Variants in PRKN observed in about 807,000 individuals in gnomAD.
The protein encoded by PRKN is parkin RBR E3 ubiquitin protein ligase.
In PRKN, 56 loss-of-function variants were observed where a neutral mutation model predicts 59.5. That is an observed-to-expected ratio of 0.94 (90% CI 0.76 to 1.18). PRKN has a LOEUF of 1.18. Ranked by LOEUF, PRKN falls within the 50% of genes most tolerant of loss-of-function variation. PRKN has a pLI of 0.00. For synonymous variants in PRKN, 250 were observed against 222.1 expected (o/e 1.13, Z -1.12); for missense variants, 657 against 596.4 (o/e 1.10, Z -1.06).
chr6:162,444,382 T>C (rs1488985757), intron 1 of PRKN, among the ~76,000 whole-genome samples: 1 of 152,124 alleles, frequency 6.6e-6, no homozygotes, highest in Non-Finnish European at 1.5e-5. Flanking sequence ...TCTCACACTG[T>C]CGGCTGGTGA....
intron 9 of PRKN, among the ~76,000 whole-genome samples, chr6:161,411,901 C>T (rs1787564627): frequency 6.8e-6 from 1 of 146,946 alleles, no homozygotes; most frequent in Non-Finnish European, 1.5e-5. Context: ...ATTCATTCCT[C>T]CACTCACTCA....
rs1790140680 is a variant in PRKN, at chr6:161,460,215, G to A, written c.1084-73338C>T. Among the ~76,000 whole-genome samples the A allele has an allele frequency of 1.3e-5, 2 of 152,300 alleles. No homozygotes were observed. Among genetic ancestry groups the A allele is most frequent in the South Asian group, 2.1e-4 (1 of 4,828 alleles). ...AGGAATATAATCCGTGTTATTTTAG[G>A]ATGTCACAGAGGTTGCAACAAAAGA... On this transcript the variant is annotated intron_variant, in intron 9 of 11. Transcript: ENST00000366898. The surrounding 1 kb of genome is among the most constrained non-coding windows in gnomAD (Gnocchi z 5.0).
intron 2 of PRKN, among the ~76,000 whole-genome samples, chr6:162,346,016 G>A (rs1185556175): frequency 6.6e-6 from 1 of 152,086 alleles, no homozygotes; most frequent in Admixed American, 6.6e-5. Context: ...GCATGCTCTT[G>A]CCCTCTGCCA....
intron 1 of PRKN, among the ~76,000 whole-genome samples, chr6:162,445,804 T>C (rs1029843644): frequency 1.4e-5 from 2 of 147,594 alleles, no homozygotes; most frequent in Admixed American, 6.8e-5. Flanking sequence ...ATTCCCTATA[T>C]GGGTGTGCAG....
chr6:162,063,597 T>C (rs1027697182), intron 4 of PRKN, among the ~76,000 whole-genome samples: 2 of 138,944 alleles, frequency 1.4e-5, no homozygotes, highest in Admixed American at 1.5e-4. Context: ...CAGGCTGGAG[T>C]GCAGTGGTGC....
At chr6:161,914,056 T>C (rs1227034765) in intron 6 of PRKN, among the ~76,000 whole-genome samples, 1 of 152,228 alleles carries the variant, frequency 6.6e-6, no homozygotes, top group Non-Finnish European at 1.5e-5. Context: ...TATGGTATTT[T>C]GTTAAGGCAG....
At chr6:161,425,628 C>A (rs1788308564) in intron 9 of PRKN, among the ~76,000 whole-genome samples, 1 of 152,108 alleles carries the variant, frequency 6.6e-6, no homozygotes, top group Non-Finnish European at 1.5e-5. Flanking sequence ...GGCTACTCCC[C>A]AGTCAGACAT....
In PRKN at chr6:162,218,466, T is replaced by C. The variant is rs9456754; in HGVS notation, c.413-17214A>G. ...TCCTGCTGAGCATGGCAGCCGGGGC[T>C]GGAAACAGTGAGGCCTGTTCTGGAG... is the stretch of plus-strand genomic sequence containing the variant. On this transcript the variant is annotated intron_variant, in intron 3 of 11. Transcript: ENST00000366898. Among the ~76,000 whole-genome samples the C allele has an allele frequency of 5.4e-3, 815 of 152,268 alleles. 6 individuals carry two copies. Among genetic ancestry groups the C allele is most frequent in the Admixed American group, 8.2e-3 (126 of 15,284 alleles).
intron 4 of PRKN, among the ~76,000 whole-genome samples, chr6:162,174,831 C>A (rs1258150456): frequency 6.6e-6 from 1 of 152,156 alleles, no homozygotes; most frequent in Non-Finnish European, 1.5e-5. Flanking sequence ...TTGTGTCCCT[C>A]CTAGTTCAGA....
At chr6:161,392,153 G>A (rs1328657757) in intron 9 of PRKN, among the ~76,000 whole-genome samples, 1 of 151,836 alleles carries the variant, frequency 6.6e-6, no homozygotes, top group Non-Finnish European at 1.5e-5. Flanking sequence ...TGGCCAAGCT[G>A]GTCTCGAACC....
intron 6 of PRKN, among the ~76,000 whole-genome samples, chr6:161,913,071 G>A (rs1471018083): frequency 6.6e-6 from 1 of 151,604 alleles, no homozygotes; most frequent in Non-Finnish European, 1.5e-5. Flanking sequence ...CTCCCAGGGA[G>A]GCTGAGGCAG....
intron 9 of PRKN, among the ~76,000 whole-genome samples, chr6:161,515,725 C>G (rs1334324848): frequency 6.6e-6 from 1 of 152,230 alleles, no homozygotes; most frequent in Non-Finnish European, 1.5e-5. Flanking sequence ...TACTACAAAT[C>G]TGATGGCATC....
At chr6:161,718,668 C>G (rs1156885665) in intron 7 of PRKN, among the ~76,000 whole-genome samples, 4 of 152,074 alleles carry the variant, frequency 2.6e-5, no homozygotes, top group African/African-American at 9.7e-5. Context: ...GCCAGTAAGG[C>G]TGCACCCATA....
At chr6:161,900,395 G>C (rs1411296089) in intron 6 of PRKN, among the ~76,000 whole-genome samples, 2 of 147,442 alleles carry the variant, frequency 1.4e-5, no homozygotes, top group Middle Eastern at 3.5e-3. Context: ...CTGCCACTGA[G>C]TGTGGGATCA....
At chr6:162,688,118 GT>G (rs1425442080) in intron 1 of PRKN, among the ~76,000 whole-genome samples, 1 of 152,036 alleles carries the variant, frequency 6.6e-6, no homozygotes, top group Non-Finnish European at 1.5e-5. Flanking sequence ...AAGTCATAAG[GT>G]AAATGTCTCA....
At chr6:162,575,676 C>T (rs571281469) in intron 1 of PRKN, among the ~76,000 whole-genome samples, 93 of 152,278 alleles carry the variant, frequency 6.1e-4, no homozygotes, top group African/African-American at 1.9e-3. Flanking sequence ...ACAACTGAGC[C>T]TGTCATCACC....
intron 3 of PRKN, among the ~76,000 whole-genome samples, chr6:162,250,433 C>T (rs929200702): frequency 6.6e-6 from 1 of 152,158 alleles, no homozygotes; most frequent in Non-Finnish European, 1.5e-5. Flanking sequence ...CACACACACA[C>T]ACATGCTAGA....
chr6:162,573,375 G>A (rs568740073), intron 1 of PRKN, among the ~76,000 whole-genome samples: 4 of 152,180 alleles, frequency 2.6e-5, no homozygotes, highest in South Asian at 4.2e-4. Context: ...GCTCTCTGTC[G>A]TCTGCAGACT....
intron 1 of PRKN, among the ~76,000 whole-genome samples, chr6:162,470,713 C>T (rs181456644): frequency 3.3e-5 from 5 of 152,262 alleles, no homozygotes; most frequent in African/African-American, 1.2e-4. Flanking sequence ...CAAAGCTACA[C>T]CTGAGGCATT....
Sources: allele counts gnomAD v4.1 joint callset (sites outside exome capture counted in the v4.1 genomes callset), GRCh38; gene constraint gnomAD v4.1.1; non-coding constraint Gnocchi (gnomAD v3.1); transcripts MANE v1.5; gene names NCBI Gene and HGNC (gene_info 2026-07-23, HGNC 2026-07-21).